The following SLC4A4 variants were observed in gnomAD, a reference collection of about 807,000 sequenced individuals.
The protein encoded by SLC4A4 is electrogenic sodium bicarbonate cotransporter 1.
Under a neutral mutation model 111.5 loss-of-function variants are expected in SLC4A4, and 27 were observed. The observed-to-expected ratio is 0.24, with a 90% CI of 0.18 to 0.33. The LOEUF is 0.33. SLC4A4 is among the 10% of genes least tolerant of loss of function. The pLI, the probability that SLC4A4 is intolerant of heterozygous loss-of-function variation, is 1.00. For synonymous variants in SLC4A4, 443 were observed against 463.4 expected, an observed-to-expected ratio of 0.96 and a Z score of 0.57; for missense variants, 909 against 1,315.5, an observed-to-expected ratio of 0.69 and a Z score of 4.78.
intron 11 of SLC4A4, 70 bp from the exon 12 acceptor site, chr4:71,453,425 A>G: frequency 1.4e-6 from 2 of 1,412,592 alleles, no homozygotes; most frequent in Non-Finnish European, 2.0e-6. Flanking sequence ...TGATTTAATG[A>G]GTTACCTCTT....
chr4:71,383,331 T>C (rs547582946), intron 6 of SLC4A4, among the ~76,000 whole-genome samples: 25 of 152,340 alleles, frequency 1.6e-4, no homozygotes, highest in Admixed American at 5.2e-4. Context: ...TAATGACCTA[T>C]GCAGTAAGTG....
chr4:71,538,986 C>T (rs57818761), intron 18 of SLC4A4, among the ~76,000 whole-genome samples: 3,061 of 151,832 alleles, frequency 0.02, 121 homozygotes, highest in African/African-American at 0.071. Flanking sequence ...AAGGTGATTT[C>T]GAGAGTGTTA....
chr4:71,226,694 G>C (rs997891217), intron 1 of SLC4A4, among the ~76,000 whole-genome samples: 6 of 152,054 alleles, frequency 3.9e-5, no homozygotes, highest in African/African-American at 1.4e-4. Flanking sequence ...TAAGTAATTG[G>C]AAATTTGCTT....
chr4:71,384,924 T>C (rs1447573517), intron 6 of SLC4A4, among the ~76,000 whole-genome samples: 2 of 151,576 alleles, frequency 1.3e-5, no homozygotes, highest in Non-Finnish European at 2.9e-5. Flanking sequence ...AAATACCTAA[T>C]GTAGGTGACA....
At chr4:71,542,513 C>T (rs1735157794) in intron 18 of SLC4A4, among the ~76,000 whole-genome samples, 2 of 152,078 alleles carry the variant, frequency 1.3e-5, no homozygotes, top group African/African-American at 2.4e-5. Flanking sequence ...CTTAACTTCT[C>T]TAGCCTAATT....
chr4:71,399,259 G>A (rs936300456), intron 7 of SLC4A4, among the ~76,000 whole-genome samples: 3 of 151,976 alleles, frequency 2.0e-5, no homozygotes, highest in African/African-American at 7.3e-5. Flanking sequence ...TCTTTTAAGT[G>A]GGTGAGTTTG....
intron 2 of SLC4A4, among the ~76,000 whole-genome samples, chr4:71,111,626 C>T (rs1047055912): frequency 5.4e-4 from 81 of 149,488 alleles, no homozygotes; most frequent in African/African-American, 2.0e-3. Flanking sequence ...AGGTGATCCA[C>T]CCCACCCGCC....
intron 9 of SLC4A4, among the ~76,000 whole-genome samples, chr4:71,448,345 AG>A (rs1194357154): frequency 6.6e-6 from 1 of 150,526 alleles, no homozygotes; most frequent in African/African-American, 2.4e-5. Flanking sequence ...AAAAGGTTCA[AG>A]GTCATTGTAT....
At chr4:71,193,261 G>A (rs1188665526) in intron 1 of SLC4A4, among the ~76,000 whole-genome samples, 2 of 152,136 alleles carry the variant, frequency 1.3e-5, no homozygotes, top group Non-Finnish European at 2.9e-5. Flanking sequence ...CCAGGTTCAC[G>A]CCATTCTCCT....
chr4:71,512,468 C>T (rs982346099), intron 16 of SLC4A4, among the ~76,000 whole-genome samples: 20 of 152,078 alleles, frequency 1.3e-4, no homozygotes, highest in African/African-American at 4.8e-4. Context: ...TATTCGTGTC[C>T]TTTGCCCACT....
chr4:71,385,377 T>A (rs993234990), intron 6 of SLC4A4, among the ~76,000 whole-genome samples: 1 of 151,408 alleles, frequency 6.6e-6, no homozygotes, highest in Non-Finnish European at 1.5e-5. Flanking sequence ...TTTGTATTTT[T>A]AATAGAGACG....
chr4:71,067,150 AG>A (rs1410655673), intron 1 of SLC4A4, among the ~76,000 whole-genome samples: 1 of 152,216 alleles, frequency 6.6e-6, no homozygotes, highest in African/African-American at 2.4e-5. Context: ...TAGTGTGAAA[AG>A]CAGTTCAAAT....
intron 1 of SLC4A4, among the ~76,000 whole-genome samples, chr4:71,075,647 C>G (rs927435017): frequency 6.6e-6 from 1 of 152,126 alleles, no homozygotes; most frequent in Non-Finnish European, 1.5e-5. Flanking sequence ...GGTCTCCGCT[C>G]AAATGTCTTG....
intron 2 of SLC4A4, among the ~76,000 whole-genome samples, chr4:71,105,582 C>G (rs1384041888): frequency 1.4e-5 from 2 of 147,000 alleles, no homozygotes; most frequent in African/African-American, 5.1e-5. Flanking sequence ...AGATATAGAT[C>G]AATGGAACAG....
At chr4:71,542,531 TC>T (rs1206622220) in intron 18 of SLC4A4, among the ~76,000 whole-genome samples, 11 of 151,978 alleles carry the variant, frequency 7.2e-5, no homozygotes, top group Non-Finnish European at 1.0e-4. Context: ...ATTTTCTACC[TC>T]CCCCATCTTC....
chr4:71,540,430 C>T (rs1400266281), intron 18 of SLC4A4, among the ~76,000 whole-genome samples: 1 of 152,160 alleles, frequency 6.6e-6, no homozygotes, highest in African/African-American at 2.4e-5. Flanking sequence ...TTCACTTTCT[C>T]TCCTTGTACT....
At chr4:71,200,708 A>G (rs1016258061) in intron 1 of SLC4A4, among the ~76,000 whole-genome samples, 2 of 152,284 alleles carry the variant, frequency 1.3e-5, no homozygotes, top group African/African-American at 4.8e-5. Flanking sequence ...TGTAATGTAG[A>G]TGACGGGTTG....
chr4:71,409,789 C>T (rs538491029), intron 7 of SLC4A4, among the ~76,000 whole-genome samples: 3 of 152,296 alleles, frequency 2.0e-5, no homozygotes, highest in African/African-American at 4.8e-5. Flanking sequence ...AAAGCCCCTC[C>T]CATCACAGGC....
intron 1 of SLC4A4, among the ~76,000 whole-genome samples, chr4:71,231,943 G>A (rs994186171): frequency 2.0e-5 from 3 of 152,160 alleles, no homozygotes; most frequent in African/African-American, 4.8e-5. Flanking sequence ...GGAGGGACAC[G>A]AACCCAAATA....
Sources: gnomAD v4.1 joint callset for allele counts (sites outside exome capture counted in the v4.1 genomes callset) on GRCh38, gnomAD v4.1.1 for gene constraint, MANE v1.5 for transcripts, NCBI Gene and HGNC (gene_info 2026-07-23, HGNC 2026-07-21) for gene names.